The following RAVER2 variants were observed in gnomAD, a reference collection of about 807,000 sequenced individuals.
The protein encoded by RAVER2 is ribonucleoprotein, PTB binding 2, also known as ribonucleoprotein PTB-binding 2.
In RAVER2, 46 loss-of-function variants were observed where a neutral mutation model predicts 78.1. The ratio of observed to expected loss-of-function variants is 0.59; its 90% CI spans 0.46 to 0.75. The LOEUF (loss-of-function observed/expected upper bound fraction) is 0.75. RAVER2 is among the 30% of genes least tolerant of loss of function. The pLI is 0.00. For synonymous variants in RAVER2, 311 were observed against 313.3 expected (o/e 0.99, Z 0.08); for missense variants, 793 against 837.5 (o/e 0.95, Z 0.66).
chr1:64,810,900 T>C (rs1009915616), intron 9 of RAVER2, among the ~76,000 whole-genome samples: 3 of 152,180 alleles, frequency 2.0e-5, no homozygotes, highest in African/African-American at 7.2e-5. Context: ...GGAAATTTTT[T>C]GGAAATTTGA....
At chr1:64,810,372 A>T (rs578074753) in intron 9 of RAVER2, among the ~76,000 whole-genome samples, 2 of 152,198 alleles carry the variant, frequency 1.3e-5, no homozygotes, top group African/African-American at 4.8e-5. Flanking sequence ...CCAGTGTGTG[A>T]TGAGGATACT....
intron 5 of RAVER2, 101 bp downstream of exon 5, chr1:64,789,615 A>G: frequency 1.0e-6 from 1 of 970,862 alleles, no homozygotes; most frequent in Non-Finnish European, 1.4e-6. Context: ...TGTGAAAAAT[A>G]TATTTAAATT....
intron 1 of RAVER2, among the ~76,000 whole-genome samples, chr1:64,748,078 C>T (rs957137885): frequency 6.6e-6 from 1 of 152,082 alleles, no homozygotes; most frequent in Non-Finnish European, 1.5e-5. Context: ...AAAAGGCATA[C>T]TGAAAGTATT....
chr1:64,797,511 G>A (rs1653127637), intron 5 of RAVER2, among the ~76,000 whole-genome samples: 1 of 152,164 alleles, frequency 6.6e-6, no homozygotes, highest in Admixed American at 6.5e-5. Context: ...AAGAGAAGAA[G>A]AGTTGTTGAA....
intron 1 of RAVER2, among the ~76,000 whole-genome samples, chr1:64,758,307 G>T (rs1396476062): frequency 1.3e-5 from 2 of 152,080 alleles, no homozygotes; most frequent in African/African-American, 4.8e-5. Context: ...GTATCACACT[G>T]TGATTATGTT....
chr1:64,776,823 A>G (rs1296116349), intron 2 of RAVER2, among the ~76,000 whole-genome samples: 1 of 152,242 alleles, frequency 6.6e-6, no homozygotes, highest in Non-Finnish European at 1.5e-5. Flanking sequence ...ATATGAATGT[A>G]CATAATATTT....
At chr1:64,754,436 C>A (rs973494630) in intron 1 of RAVER2, among the ~76,000 whole-genome samples, 4 of 152,192 alleles carry the variant, frequency 2.6e-5, no homozygotes, top group African/African-American at 9.7e-5. Context: ...GACTACCCAC[C>A]TACCTTGTTC....
exon 2 of RAVER2, chr1:64,768,660 T>C (rs1228181497): frequency 1.3e-6 from 2 of 1,556,506 alleles, no homozygotes; most frequent in South Asian, 2.3e-5. Flanking sequence ...TTTCAGGAAG[T>C]TCATGATTTG....
At chr1:64,755,863 G>C (rs974049978) in intron 1 of RAVER2, among the ~76,000 whole-genome samples, 2 of 149,732 alleles carry the variant, frequency 1.3e-5, no homozygotes, top group East Asian at 4.0e-4. Flanking sequence ...TAAGTATAGC[G>C]TAAAGAATGT....
chr1:64,825,345 G>T (rs1262932967), intron 11 of RAVER2, among the ~76,000 whole-genome samples: 1 of 152,146 alleles, frequency 6.6e-6, no homozygotes, highest in African/African-American at 2.4e-5. Context: ...GTCCCATTTT[G>T]GTTCTCCGTA....
At chr1:64,791,779 T>A (rs1346504224) in intron 5 of RAVER2, among the ~76,000 whole-genome samples, 1 of 152,240 alleles carries the variant, frequency 6.6e-6, no homozygotes, top group Non-Finnish European at 1.5e-5. Context: ...GGAAAGTTTT[T>A]ATATTACTAA....
chr1:64,824,213 A>G (rs1413709043), intron 11 of RAVER2, among the ~76,000 whole-genome samples: 3 of 152,234 alleles, frequency 2.0e-5, no homozygotes, highest in Non-Finnish European at 4.4e-5. Flanking sequence ...CCCTGATTCC[A>G]GGGATCTCCC....
chr1:64,812,678 T>C (rs1346007005), intron 9 of RAVER2, 60 bp from the exon 10 acceptor site: 2 of 1,105,926 alleles, frequency 1.8e-6, no homozygotes, highest in Non-Finnish European at 2.6e-6. Flanking sequence ...TTCTCTATTC[T>C]TTATTTTTAT....
intron 1 of RAVER2, among the ~76,000 whole-genome samples, chr1:64,766,976 G>A (rs1475743148): frequency 6.6e-6 from 1 of 152,030 alleles, no homozygotes; most frequent in Non-Finnish European, 1.5e-5. Context: ...CTTTATAATT[G>A]AGCATAGTAC....
At chr1:64,799,444 GT>G (rs1213036614) in intron 5 of RAVER2, among the ~76,000 whole-genome samples, 1 of 151,900 alleles carries the variant, frequency 6.6e-6, no homozygotes, top group Non-Finnish European at 1.5e-5. Flanking sequence ...TGTTTTTGTT[GT>G]TATTTGTTTG....
intron 11 of RAVER2, among the ~76,000 whole-genome samples, chr1:64,820,155 G>T (rs935482226): frequency 1.3e-5 from 2 of 152,066 alleles, no homozygotes; most frequent in Non-Finnish European, 2.9e-5. Flanking sequence ...ATAAGTTGTG[G>T]AACGCATATT....
intron 1 of RAVER2, among the ~76,000 whole-genome samples, chr1:64,751,551 ATTC>A (rs1651698702): frequency 6.6e-6 from 1 of 152,108 alleles, no homozygotes; most frequent in African/African-American, 2.4e-5. Context: ...ATTTGCACTT[ATTC>A]TTCTTTCCTT....
At chr1:64,827,391 C>T (rs1254807482) in intron 11 of RAVER2, among the ~76,000 whole-genome samples, 1 of 152,026 alleles carries the variant, frequency 6.6e-6, no homozygotes, top group Non-Finnish European at 1.5e-5. Flanking sequence ...TGAGGGGCCT[C>T]CGTTGAAGTT....
chr1:64,829,892 C>G (rs1165217901), intron 11 of RAVER2, among the ~76,000 whole-genome samples: 1 of 152,114 alleles, frequency 6.6e-6, no homozygotes, highest in African/African-American at 2.4e-5. Context: ...TCAGTCTTGT[C>G]ATCCCTCTAA....
Sources: allele counts gnomAD v4.1 joint callset (sites outside exome capture counted in the v4.1 genomes callset), GRCh38; gene constraint gnomAD v4.1.1; transcripts MANE v1.5; gene names NCBI Gene and HGNC (gene_info 2026-07-23, HGNC 2026-07-21).